The following RYR3 variants were observed in gnomAD, a reference collection of about 807,000 sequenced individuals.
RYR3 encodes ryanodine receptor 3, also known as brain ryanodine receptor-calcium release channel.
In RYR3, 207 loss-of-function variants were observed where a neutral mutation model predicts 584.3. That is an observed-to-expected ratio of 0.35 (90% CI 0.32 to 0.40). The LOEUF (loss-of-function observed/expected upper bound fraction) is 0.40. Ranked by LOEUF, RYR3 falls within the 10% of genes least tolerant of loss-of-function variation. RYR3 has a pLI of 1.00. For synonymous variants in RYR3, 2,416 were observed against 2,248.5 expected (o/e 1.07, Z -2.11); for missense variants, 5,616 against 6,089.2 (o/e 0.92, Z 2.59).
chr15:33,474,541 C>T (rs934547769), intron 2 of RYR3, among the ~76,000 whole-genome samples: 8 of 152,186 alleles, frequency 5.3e-5, no homozygotes, highest in African/African-American at 1.9e-4. Context: ...TTAAAGTTAA[C>T]TGACTGCAGA....
intron 1 of RYR3, among the ~76,000 whole-genome samples, chr15:33,379,094 C>T (rs2040964840): frequency 6.6e-6 from 1 of 152,136 alleles, no homozygotes. Context: ...GAGTTTTGGT[C>T]TTTCCACACC....
intron 1 of RYR3, among the ~76,000 whole-genome samples, chr15:33,359,956 C>G (rs1210424759): frequency 1.3e-5 from 2 of 152,058 alleles, no homozygotes; most frequent in Non-Finnish European, 1.5e-5. Context: ...CTATGATACT[C>G]TCCATACCCT....
intron 1 of RYR3, among the ~76,000 whole-genome samples, chr15:33,345,968 T>C (rs1429683352): frequency 6.6e-6 from 1 of 152,254 alleles, no homozygotes; most frequent in Non-Finnish European, 1.5e-5. Context: ...TTAGTAACTT[T>C]GTGTTTTTAC....
chr15:33,503,265 C>T (rs1001861208), intron 2 of RYR3, among the ~76,000 whole-genome samples: 1 of 152,172 alleles, frequency 6.6e-6, no homozygotes, highest in African/African-American at 2.4e-5. Context: ...TACAGATTAT[C>T]GTGGATGAAA....
chr15:33,748,268 A>G lies in RYR3; in HGVS notation c.8136+8A>G. 1.9e-6 allele frequency: 3 copies of G among 1,613,448 alleles called. No individual in the cohort carries two copies. The highest frequency in any genetic ancestry group is 8.5e-7 in the Non-Finnish European group (1 of 1,179,710). On this transcript the variant is annotated splice_region_variant and intron_variant, in intron 54 of 103. Transcript: ENST00000634891. ...GTGTCCCAGGCCAACCAGGTATGAC[A>G]CCACACCCAGAGGCCCACGCTGGGC...
intron 30 of RYR3, among the ~76,000 whole-genome samples, chr15:33,648,732 A>G (rs1238330004): frequency 6.6e-6 from 1 of 152,200 alleles, no homozygotes; most frequent in Non-Finnish European, 1.5e-5. Flanking sequence ...GGAGAGGGTT[A>G]GGGCTCTGTG....
chr15:33,540,960 C>G, intron 7 of RYR3, 70 bp downstream of exon 7: 1 of 976,304 alleles, frequency 1.0e-6, no homozygotes, highest in Non-Finnish European at 1.6e-6. Flanking sequence ...TTGACATTTT[C>G]TGCTACTTCC....
chr15:33,623,923 A>G lies in RYR3; in HGVS notation c.2474A>G (p.Lys825Arg), dbSNP rs934198025. 3 of 1,613,864 alleles carry G rather than the reference A, an allele frequency of 1.9e-6. No individual in the cohort carries two copies. Among genetic ancestry groups the G allele is most frequent in the Non-Finnish European group, 2.5e-6 (3 of 1,179,870 alleles). The change falls in exon 20 of 104, where the codon AAA (lysine) becomes AGA (arginine). Residue 825 changes from lysine (K) to arginine (R), a missense_variant. Around this residue, in one of 9 missense-constraint regions of RYR3, gnomAD observed 1,284 missense variants for 1,344.6 expected, o/e 0.95. Transcript: ENST00000634891. ...PKEKMRLEPV[K>R]EYKRDADGIR... ...GAGAAGATGAGATTGGAGCCTGTCA[A>G]AGAATATAAACGTGATGCTGATGGC...
chr15:33,822,017 C>T (rs1429749), intron 80 of RYR3, among the ~76,000 whole-genome samples: 1 of 151,414 alleles, frequency 6.6e-6, no homozygotes, highest in Non-Finnish European at 1.5e-5. Flanking sequence ...GTTCGTTCAT[C>T]CATTCATTCA....
chr15:33,624,070 TA>T, intron 20 of RYR3, 47 bp downstream of exon 20: 1 of 1,223,576 alleles, frequency 8.2e-7, no homozygotes. Flanking sequence ...GATGAAGCAA[TA>T]GAGTTAAATA....
rs997485596 is a variant in RYR3 at position 33,817,403 on chromosome 15, C to T, written c.10599+445C>T. Among the ~76,000 whole-genome samples the T allele has an allele frequency of 3.3e-5, 5 of 152,194 alleles. No individual in the cohort carries two copies. In the South Asian group the frequency reaches 1.0e-3, roughly 31 times the overall value. ...AAAATTTGGCATGCCTTGTCTCTAA[C>T]AGACTTCATGCTCTAAAGCCACTTA... On this transcript the variant is annotated intron_variant, in intron 75 of 103. Transcript: ENST00000634891.
chr15:33,722,647 C>T lies in RYR3; in HGVS notation c.6620-68C>T, dbSNP rs1308756928. On this transcript the variant is annotated intron_variant, in intron 43 of 103. Transcript: ENST00000634891. ...GAACAAAATACTGTTCTCCCAGCCT[C>T]ATCAACTAGAAATAAATTCTGGGGT... 1.0e-5 allele frequency: 15 copies of T among 1,439,798 alleles called. 1 individual carries two copies. The highest frequency in any genetic ancestry group is 1.3e-5 in the Non-Finnish European group (13 of 1,025,210). The allele number at this position is 1,439,798 out of a possible 1,614,324, so 89.2% of individuals were successfully genotyped here. A position where few individuals can be genotyped will look rare whatever the true frequency, so the allele number is the denominator to read the frequency against.
intron 1 of RYR3, among the ~76,000 whole-genome samples, chr15:33,369,297 G>A (rs1375095342): frequency 6.6e-6 from 1 of 152,070 alleles, no homozygotes; most frequent in African/African-American, 2.4e-5. Context: ...TCTCCCTATA[G>A]CCTACCCAAA....
chr15:33,655,539 A>G (rs774096581), intron 32 of RYR3, among the ~76,000 whole-genome samples: 11 of 152,170 alleles, frequency 7.2e-5, no homozygotes, highest in Admixed American at 5.9e-4. Context: ...ACCTTTCACC[A>G]TCCTTCTGGG....
intron 65 of RYR3, 131 bp from the exon 66 acceptor site, chr15:33,785,531 C>T (rs956564922): frequency 1.3e-5 from 9 of 719,956 alleles, no homozygotes; most frequent in Non-Finnish European, 1.8e-5. Context: ...AGCCACTCCA[C>T]ATCCAAGCTC....
chr15:33,601,565 C>T lies in RYR3; in HGVS notation c.1922+13C>T, dbSNP rs776706214. 1.9e-6 allele frequency: 3 copies of T among 1,613,568 alleles called. No homozygotes were observed. The highest frequency in any genetic ancestry group is 2.5e-6 in the Non-Finnish European group (3 of 1,179,630). ...ACGATGTAACCAGGTAAGGCCACCA[C>T]CACCATTCCAAATGCCAAGCATAGT... On this transcript the variant is annotated intron_variant, in intron 17 of 103. Coordinates refer to ENST00000634891, the MANE Select transcript of RYR3 (RefSeq NM_001036.6).
chr15:33,692,227 G>A (rs983045618), intron 38 of RYR3, among the ~76,000 whole-genome samples: 1 of 152,146 alleles, frequency 6.6e-6, no homozygotes, highest in African/African-American at 2.4e-5. Context: ...TGATGCACGG[G>A]AGCTAATTAA....
At chr15:33,514,290 G>A (rs904641048) in intron 3 of RYR3, among the ~76,000 whole-genome samples, 2 of 152,206 alleles carry the variant, frequency 1.3e-5, no homozygotes, top group Admixed American at 6.5e-5. Flanking sequence ...AGGATGTGCA[G>A]CTGGAGGCTT....
At chr15:33,453,246 AAT>A (rs1491574025) in intron 1 of RYR3, among the ~76,000 whole-genome samples, 12 of 152,118 alleles carry the variant, frequency 7.9e-5, no homozygotes, top group African/African-American at 2.9e-4. Flanking sequence ...GTAGAAAAAA[AAT>A]AAACCTTAAT....
Sources: gnomAD v4.1 joint callset for allele counts (sites outside exome capture counted in the v4.1 genomes callset) on GRCh38, gnomAD v4.1.1 for gene constraint, gnomAD v4.1.1 regional missense constraint, MANE v1.5 for transcripts, NCBI Gene and HGNC (gene_info 2026-07-23, HGNC 2026-07-21) for gene names.